The following LCT variants were observed in gnomAD, a reference collection of about 807,000 sequenced individuals.
The protein encoded by LCT is lactase, also known as lactase/phlorizin hydrolase.
In LCT, 90 loss-of-function variants were observed where a neutral mutation model predicts 173.0. The observed-to-expected ratio is 0.52, with a 90% CI of 0.44 to 0.62. The LOEUF is 0.62. LCT is among the 20% of genes least tolerant of loss of function. The pLI, the probability that LCT is intolerant of heterozygous loss-of-function variation, is 0.00. For missense variants in LCT, 1,864 were observed against 2,431.4 expected (o/e 0.77, Z 4.91); for synonymous variants, 853 against 957.6 (o/e 0.89, Z 2.02).
intron 1 of LCT, among the ~76,000 whole-genome samples, chr2:135,836,019 T>TATAC (rs1444886921): frequency 4.8e-4 from 53 of 110,458 alleles, no homozygotes; most frequent in African/African-American, 1.6e-3. Context: ...TATATATGTA[T>TATAC]ACATATTTTT....
At chr2:135,803,859 C>A (rs2077646907) in intron 11 of LCT, 71 bp downstream of exon 11, 1 of 1,424,604 alleles carries the variant, frequency 7.0e-7, no homozygotes. Flanking sequence ...CCTGTGCCAT[C>A]TGGATTTCAA....
chr2:135,797,955 TG>T (rs2077595654), intron 13 of LCT, 73 bp downstream of exon 13: 4 of 842,790 alleles, frequency 4.7e-6, no homozygotes, highest in Non-Finnish European at 8.3e-6. Context: ...AGCTCAGTCA[TG>T]GTAACTTGCC....
intron 16 of LCT, among the ~76,000 whole-genome samples, 154 bp downstream of exon 16, chr2:135,789,417 T>G (rs548724332): frequency 1.3e-5 from 2 of 152,310 alleles, no homozygotes; most frequent in African/African-American, 4.8e-5. Context: ...AGGAAATGTC[T>G]GGAGCATTCA....
chr2:135,814,521 CTT>C (rs112239469), intron 6 of LCT, among the ~76,000 whole-genome samples: 13 of 144,370 alleles, frequency 9.0e-5, no homozygotes, highest in Non-Finnish European at 6.1e-5. Flanking sequence ...AATAAAATAC[CTT>C]TTTTTTTTTT....
intron 11 of LCT, 72 bp downstream of exon 11, chr2:135,803,858 T>A (rs2077646882): frequency 7.1e-7 from 1 of 1,408,542 alleles, no homozygotes. Flanking sequence ...TCCTGTGCCA[T>A]CTGGATTTCA....
Position 135,835,970 on chromosome 2 carries a change from A to ATG in LCT, c.640+558_640+559dup, listed in dbSNP as rs1553436113. Among the ~76,000 whole-genome samples, 46 of 123,288 alleles carry ATG rather than the reference A, an allele frequency of 3.7e-4. 1 individual carries two copies. The highest frequency in any genetic ancestry group is 1.4e-3 in the African/African-American group (39 of 28,864). The allele number at this position is 123,288 out of a possible 152,430, so 80.9% of individuals were successfully genotyped here. On this transcript the variant is annotated intron_variant, in intron 1 of 16. Transcript: ENST00000264162. ...TGGGCAAGGGGTATTTCAAAAATAC[A>ATG]TGTGTGTATATATATATATATATAT...
chr2:135,829,830 A>AGTGTGT (rs60681905), intron 2 of LCT, among the ~76,000 whole-genome samples, 154 bp from the exon 3 acceptor site: 72,289 of 146,486 alleles, frequency 0.49, 21,761 homozygotes, highest in Non-Finnish European at 0.69. Context: ...GGAATGAGAA[A>AGTGTGT]GTGTGTGTGT....
At position 135,808,618 on chromosome 2, in the gene LCT, C is replaced by G. The variant is rs576038976; in HGVS notation, c.3729G>C (p.Thr1243=). The G allele has an allele frequency of 7.4e-6, 12 of 1,614,208 alleles. No individual in the cohort carries two copies. The African/African-American group carries it at 1.6e-4, about 22-fold the overall frequency. Residue 1243 remains threonine (T), a synonymous_variant, in exon 8 of 17, where the codon ACG becomes ACC. Coordinates refer to ENST00000264162, the MANE Select transcript of LCT (RefSeq NM_002299.4). ...CCCAGGGCGCAGCTCTGTTCATTGC[C>G]GTGGAAGGCCACGAAGGGTCCTCCT... is the stretch of plus-strand genomic sequence containing the variant. The part of the protein sequence containing the change: ...AEEEDPSWPS[T]AMNRAAPWGT...
At chr2:135,815,290 T>C (rs974316139) in intron 6 of LCT, among the ~76,000 whole-genome samples, 11 of 152,202 alleles carry the variant, frequency 7.2e-5, no homozygotes, top group Admixed American at 3.9e-4. Flanking sequence ...AAGGGGACTT[T>C]CTCATCAAAG....
chr2:135,830,491 C>T (rs781367770), intron 2 of LCT, among the ~76,000 whole-genome samples: 4 of 152,202 alleles, frequency 2.6e-5, no homozygotes, highest in Non-Finnish European at 5.9e-5. Context: ...TTCTTCAAGA[C>T]AAGGACTAAT....
At chr2:135,795,397 T>TG (rs1031307462) in intron 13 of LCT, among the ~76,000 whole-genome samples, 4 of 151,910 alleles carry the variant, frequency 2.6e-5, no homozygotes. Context: ...TTGGTAGAGA[T>TG]GGGGTTTCAC....
chr2:135,832,554 A>C (rs1231360378), intron 2 of LCT, among the ~76,000 whole-genome samples: 1 of 151,396 alleles, frequency 6.6e-6, no homozygotes, highest in Non-Finnish European at 1.5e-5. Flanking sequence ...ACATGATCAC[A>C]GTTCACTGCA....
intron 4 of LCT, chr2:135,822,462 C>A: frequency 4.3e-6 from 1 of 231,194 alleles, no homozygotes; most frequent in Non-Finnish European, 8.6e-6. Context: ...GGTCTGGGGA[C>A]CACAACTTTG....
At chr2:135,789,876 C>G in intron 15 of LCT, 78 bp from the exon 16 acceptor site, 3 of 1,095,418 alleles carry the variant, frequency 2.7e-6, no homozygotes, top group Middle Eastern at 2.1e-4. Context: ...GAAGCCAGGT[C>G]TGCCTACTGC....
intron 12 of LCT, among the ~76,000 whole-genome samples, chr2:135,799,243 G>A: frequency 6.6e-6 from 1 of 152,140 alleles, no homozygotes; most frequent in East Asian, 1.9e-4. Context: ...TCCCCCGAGA[G>A]AGTTATAGTG....
At chr2:135,789,836 C>T (rs1166213900) in intron 15 of LCT, 38 bp from the exon 16 acceptor site, 1 of 1,556,394 alleles carries the variant, frequency 6.4e-7, no homozygotes, top group South Asian at 1.1e-5. Context: ...AGTTTCCTAT[C>T]TCATAAGGCA....
chr2:135,808,629 A>G lies in LCT; in HGVS notation c.3718T>C (p.Trp1240Arg), dbSNP rs1465873344. 6.2e-7 allele frequency: 1 copy of G among 1,614,208 alleles called. No homozygotes were observed. The highest frequency in any genetic ancestry group is 2.2e-5 in the East Asian group (1 of 44,884). ...GCTCTGTTCATTGCCGTGGAAGGCC[A>G]CGAAGGGTCCTCCTCCTCAGCCATC... ...QEMAEEEDPSWPSTAMNRAAP... is the reference protein window; with the variant it reads ...QEMAEEEDPSRPSTAMNRAAP... Residue 1240 changes from tryptophan (W) to arginine (R), a missense_variant, in exon 8 of 17, where the codon TGG (tryptophan) becomes CGG (arginine). Coordinates refer to ENST00000264162, the MANE Select transcript of LCT (RefSeq NM_002299.4).
intron 7 of LCT, among the ~76,000 whole-genome samples, chr2:135,811,506 G>T (rs1362831594): frequency 6.6e-6 from 1 of 152,048 alleles, no homozygotes; most frequent in Non-Finnish European, 1.5e-5. Context: ...GGATCAATTG[G>T]ATCAAAATCA....
At chr2:135,830,119 C>T (rs2077922860) in intron 2 of LCT, among the ~76,000 whole-genome samples, 1 of 152,104 alleles carries the variant, frequency 6.6e-6, no homozygotes, top group Non-Finnish European at 1.5e-5. Context: ...CCCTGTGAAT[C>T]CTACCGGGTG....
Sources: allele counts gnomAD v4.1 joint callset (sites outside exome capture counted in the v4.1 genomes callset), GRCh38; gene constraint gnomAD v4.1.1; transcripts MANE v1.5; gene names NCBI Gene and HGNC (gene_info 2026-07-23, HGNC 2026-07-21).